CTNNA2: variants seen among roughly 807,000 people sequenced by gnomAD.
CTNNA2 encodes the protein catenin alpha 2.
CTNNA2 carries 42 observed loss-of-function variants against 101.0 expected under a neutral mutation model. The ratio of observed to expected loss-of-function variants is 0.42; its 90% CI spans 0.32 to 0.54. The LOEUF is 0.54. CTNNA2 is among the 20% of genes least tolerant of loss of function. The probability of loss-of-function intolerance (pLI) is 0.14; values close to 1 mark genes in which losing one functional copy is unlikely to be tolerated. For synonymous variants in CTNNA2, 450 were observed against 456.4 expected (o/e 0.99, Z 0.18); for missense variants, 871 against 1,223.1 (o/e 0.71, Z 4.29).
chr2:80,436,391 A>G (rs2149434499), intron 9 of CTNNA2, among the ~76,000 whole-genome samples: 1 of 151,596 alleles, frequency 6.6e-6, no homozygotes, highest in African/African-American at 2.4e-5. Flanking sequence ...CAAGTTTGTG[A>G]AGCTCTGGCA....
chr2:80,614,262 A>C (rs1558645284), intron 17 of CTNNA2, among the ~76,000 whole-genome samples: 2 of 151,416 alleles, frequency 1.3e-5, no homozygotes, highest in Non-Finnish European at 3.0e-5. Context: ...GAATGCAACC[A>C]ACCTGGGATT....
chr2:79,211,277 C>G (rs1450264371), intron 2 of CTNNA2, among the ~76,000 whole-genome samples: 1 of 152,146 alleles, frequency 6.6e-6, no homozygotes, highest in Non-Finnish European at 1.5e-5. Flanking sequence ...CAACTGAGAG[C>G]TGAAAAACAC....
chr2:79,770,311 A>G (rs1377924587), intron 3 of CTNNA2, among the ~76,000 whole-genome samples: 1 of 152,214 alleles, frequency 6.6e-6, no homozygotes, highest in Non-Finnish European at 1.5e-5. Context: ...CTATGTGTAT[A>G]TTATTTAGTT....
chr2:80,000,318 G>A (rs1158329082), intron 7 of CTNNA2, among the ~76,000 whole-genome samples: 1 of 152,098 alleles, frequency 6.6e-6, no homozygotes, highest in African/African-American at 2.4e-5. Context: ...ATTGTTTGAG[G>A]CATGAAATGA....
chr2:79,666,440 CTT>C (rs1170081722), intron 2 of CTNNA2, among the ~76,000 whole-genome samples: 1 of 152,090 alleles, frequency 6.6e-6, no homozygotes, highest in African/African-American at 2.4e-5. Context: ...TCATGGGACT[CTT>C]TTTAGTATTT....
At chr2:79,604,022 A>T (rs10199836) in intron 1 of CTNNA2, among the ~76,000 whole-genome samples, 20,663 of 152,212 alleles carry the variant, frequency 0.14, 2,396 homozygotes, top group African/African-American at 0.32. Flanking sequence ...ATGAAGATGT[A>T]TGAATCCTAT....
At chr2:80,207,120 A>G (rs1049185515) in intron 7 of CTNNA2, among the ~76,000 whole-genome samples, 4 of 152,356 alleles carry the variant, frequency 2.6e-5, no homozygotes, top group African/African-American at 4.8e-5. Flanking sequence ...GCACAGGACT[A>G]TTCCTGAAAT....
intron 3 of CTNNA2, among the ~76,000 whole-genome samples, chr2:79,845,913 C>T (rs1358125468): frequency 6.6e-6 from 1 of 152,074 alleles, no homozygotes; most frequent in Non-Finnish European, 1.5e-5. Context: ...GACGTGGGGA[C>T]CTCCCACAGT....
intron 2 of CTNNA2, among the ~76,000 whole-genome samples, chr2:79,742,659 C>T (rs1399184203): frequency 6.6e-6 from 1 of 152,050 alleles, no homozygotes; most frequent in Non-Finnish European, 1.5e-5. Flanking sequence ...TTAATGGTTG[C>T]CTCACATGGG....
At chr2:80,031,642 A>G (rs1299312629) in intron 7 of CTNNA2, among the ~76,000 whole-genome samples, 2 of 152,236 alleles carry the variant, frequency 1.3e-5, no homozygotes, top group African/African-American at 4.8e-5. Flanking sequence ...TATCAGGGTG[A>G]ATATGACAGA....
At chr2:79,863,226 A>G (rs1319551986) in intron 4 of CTNNA2, among the ~76,000 whole-genome samples, 1 of 140,890 alleles carries the variant, frequency 7.1e-6, no homozygotes, top group African/African-American at 2.7e-5. Context: ...AATTATTTAG[A>G]TGGATAACAG....
At chr2:80,511,432 G>A (rs1688694807) in intron 9 of CTNNA2, among the ~76,000 whole-genome samples, 2 of 152,290 alleles carry the variant, frequency 1.3e-5, no homozygotes, top group South Asian at 2.1e-4. Flanking sequence ...GTTCAAACAT[G>A]CTTGTTGTAT....
At chr2:80,508,577 C>G (rs568483241) in intron 9 of CTNNA2, among the ~76,000 whole-genome samples, 46 of 151,250 alleles carry the variant, frequency 3.0e-4, no homozygotes, top group Admixed American at 1.1e-3. Context: ...TGGACTCTCT[C>G]TAGTCTATAT....
chr2:79,989,092 A>C (rs1473004366), intron 7 of CTNNA2, among the ~76,000 whole-genome samples: 1 of 152,238 alleles, frequency 6.6e-6, no homozygotes, highest in South Asian at 2.1e-4. Context: ...AAAAGAAGAC[A>C]GGATGCTAGA....
At chr2:79,395,664 A>G (rs1678222059) in intron 4 of CTNNA2, among the ~76,000 whole-genome samples, 1 of 152,160 alleles carries the variant, frequency 6.6e-6, no homozygotes, top group Admixed American at 6.6e-5. Flanking sequence ...TAGCTATGTG[A>G]TTAATAATTA....
At chr2:79,578,158 A>C (rs1324320818) in intron 1 of CTNNA2, among the ~76,000 whole-genome samples, 1 of 152,162 alleles carries the variant, frequency 6.6e-6, no homozygotes, top group Admixed American at 6.5e-5. Flanking sequence ...CTGTAACTAG[A>C]AGTACATATT....
At chr2:79,816,996 CTT>C (rs893307417) in intron 3 of CTNNA2, among the ~76,000 whole-genome samples, 1 of 150,396 alleles carries the variant, frequency 6.6e-6, no homozygotes, top group Non-Finnish European at 1.5e-5. Context: ...CATTTTGTTT[CTT>C]TTTTTTTATA....
intron 3 of CTNNA2, among the ~76,000 whole-genome samples, chr2:79,771,367 C>T (rs1051927905): frequency 1.3e-5 from 2 of 152,050 alleles, no homozygotes; most frequent in East Asian, 1.9e-4. Context: ...TTTCCTCAGA[C>T]GAGGGGTAAG....
chr2:79,221,076 C>T (rs150720466), intron 2 of CTNNA2, among the ~76,000 whole-genome samples: 283 of 152,088 alleles, frequency 1.9e-3, no homozygotes, highest in African/African-American at 6.2e-3. Context: ...AAGTCAATTA[C>T]GAAATAAAGG....
Sources: allele counts gnomAD v4.1 joint callset (sites outside exome capture counted in the v4.1 genomes callset), GRCh38; gene constraint gnomAD v4.1.1; transcripts MANE v1.5; gene names NCBI Gene and HGNC (gene_info 2026-07-23, HGNC 2026-07-21).